The following ANKRD30A variants were observed in gnomAD, a reference collection of about 807,000 sequenced individuals.
ANKRD30A encodes the protein ankyrin repeat domain-containing protein 30A.
A neutral mutation model predicts 166.3 loss-of-function variants in ANKRD30A; 170 were observed. That is an observed-to-expected ratio of 1.02 (90% CI 0.90 to 1.16). The LOEUF is 1.16. ANKRD30A is among the 50% of genes most tolerant of loss of function. The pLI, the probability that ANKRD30A is intolerant of heterozygous loss-of-function variation, is 0.00. For synonymous variants in ANKRD30A, 564 were observed against 508.9 expected, an observed-to-expected ratio of 1.11 and a Z score of -1.46; for missense variants, 1,630 against 1,518.0, an observed-to-expected ratio of 1.07 and a Z score of -1.23.
intron 31 of ANKRD30A, among the ~76,000 whole-genome samples, chr10:37,204,404 T>C (rs1486703727): frequency 6.6e-6 from 1 of 152,188 alleles, no homozygotes; most frequent in Non-Finnish European, 1.5e-5. Context: ...CTGGGAAAAC[T>C]GGCTAGCCAT....
At chr10:37,159,247 T>G (rs1838638438) in intron 15 of ANKRD30A, among the ~76,000 whole-genome samples, 1 of 152,204 alleles carries the variant, frequency 6.6e-6, no homozygotes, top group Non-Finnish European at 1.5e-5. Context: ...CTGTGCATGG[T>G]GACACGTGCC....
At chr10:37,148,489 TAGC>T (rs1837676900) in intron 9 of ANKRD30A, among the ~76,000 whole-genome samples, 1 of 152,044 alleles carries the variant, frequency 6.6e-6, no homozygotes, top group Non-Finnish European at 1.5e-5. Context: ...AAAATTTTTT[TAGC>T]AGAGGCATTC....
At chr10:37,172,535 T>C (rs1415793898) in intron 21 of ANKRD30A, among the ~76,000 whole-genome samples, 1 of 146,022 alleles carries the variant, frequency 6.8e-6, no homozygotes, top group Non-Finnish European at 1.5e-5. Flanking sequence ...GAGGTTTTTT[T>C]TTAATTTCTT....
intron 31 of ANKRD30A, among the ~76,000 whole-genome samples, chr10:37,206,329 GGAA>G (rs1841993229): frequency 6.6e-6 from 1 of 152,114 alleles, no homozygotes; most frequent in Non-Finnish European, 1.5e-5. Flanking sequence ...GGAGAGTATT[GGAA>G]GAAGGAGGTA....
downstream of ANKRD30A, among the ~76,000 whole-genome samples, chr10:37,234,487 A>G (rs546892587): frequency 6.6e-6 from 1 of 152,244 alleles, no homozygotes; most frequent in Admixed American, 6.5e-5. Flanking sequence ...GTTATATAGT[A>G]CCTGTGTGTC....
At chr10:37,143,033 A>G (rs1837261338) in intron 7 of ANKRD30A, among the ~76,000 whole-genome samples, 2 of 152,222 alleles carry the variant, frequency 1.3e-5, no homozygotes, top group Non-Finnish European at 1.5e-5. Flanking sequence ...TTCCTGTAAC[A>G]TTTTATTGGC....
rs546918929 is a variant in ANKRD30A, at chr10:37,146,926, C to T, written c.1456-444C>T. ...AAAGTTATGCAAACTTCTCGGCCTT[C>T]CAAGAAGATTTGTGTCTATTTATAT... On this transcript the variant is annotated intron_variant, in intron 8 of 35. Transcript: ENST00000361713. Among the ~76,000 whole-genome samples the T allele has an allele frequency of 3.3e-5, 5 of 152,270 alleles. No homozygotes were observed. In the South Asian group the frequency reaches 1.0e-3, roughly 32 times the overall value.
intron 27 of ANKRD30A, among the ~76,000 whole-genome samples, chr10:37,195,651 T>C (rs1216477992): frequency 2.0e-5 from 3 of 152,134 alleles, no homozygotes; most frequent in Non-Finnish European, 4.4e-5. Flanking sequence ...TGCCAGCACG[T>C]TGGGAGGCCG....
chr10:37,244,712 C>T, the ANKRD30A span, among the ~76,000 whole-genome samples: 1 of 152,322 alleles, frequency 6.6e-6, no homozygotes, highest in East Asian at 1.9e-4. Flanking sequence ...TTTTCCTGCT[C>T]AGGTGCTGAA....
At chr10:37,195,623 G>A (rs958912187) in intron 27 of ANKRD30A, among the ~76,000 whole-genome samples, 6 of 152,110 alleles carry the variant, frequency 3.9e-5, no homozygotes, top group African/African-American at 4.8e-5. Context: ...GACCGGGTGC[G>A]GTGGCTCACG....
intron 11 of ANKRD30A, among the ~76,000 whole-genome samples, chr10:37,151,211 A>C (rs1425596065): frequency 2.0e-5 from 3 of 152,142 alleles, no homozygotes; most frequent in Admixed American, 6.6e-5. Context: ...AATAGTTGTA[A>C]TTTGTACTTT....
At chr10:37,210,353 C>G (rs1842225132) in intron 31 of ANKRD30A, among the ~76,000 whole-genome samples, 1 of 152,092 alleles carries the variant, frequency 6.6e-6, no homozygotes. Context: ...TTTTCTTTAT[C>G]CAATGTCTAT....
intron 17 of ANKRD30A, among the ~76,000 whole-genome samples, chr10:37,164,599 G>T (rs1342699760): frequency 6.6e-6 from 1 of 152,024 alleles, no homozygotes; most frequent in Non-Finnish European, 1.5e-5. Flanking sequence ...AATGTAAAAG[G>T]GTTGGAAATA....
At chr10:37,253,005 T>C in the ANKRD30A span, among the ~76,000 whole-genome samples, 1 of 152,226 alleles carries the variant, frequency 6.6e-6, no homozygotes, top group Non-Finnish European at 1.5e-5. Context: ...AGAAGGAAAC[T>C]CAAAAACTTG....
At chr10:37,168,055 T>A (rs1221754662) in intron 19 of ANKRD30A, among the ~76,000 whole-genome samples, 1 of 36,696 alleles carries the variant, frequency 2.7e-5, no homozygotes. Flanking sequence ...CAGCATATAC[T>A]TATTGGTATT....
At chr10:37,226,600 T>G in intron 34 of ANKRD30A, among the ~76,000 whole-genome samples, 1 of 151,910 alleles carries the variant, frequency 6.6e-6, no homozygotes, top group Admixed American at 6.6e-5. Flanking sequence ...CATCAGTTGA[T>G]AGATCTTTAG....
In ANKRD30A at chr10:37,158,270, A is replaced by C. The variant is rs576184965; in HGVS notation, c.1799-122A>C. The C allele has an allele frequency of 6.7e-5, 96 of 1,423,840 alleles. No individual in the cohort carries two copies. In the East Asian group the frequency reaches 1.1e-3, roughly 16 times the overall value. 88.2% of individuals were successfully genotyped at this position (1,423,840 alleles called of 1,614,324 possible). A position where few individuals can be genotyped will look rare whatever the true frequency, so the allele number is the denominator to read the frequency against. On this transcript the variant is annotated intron_variant, in intron 13 of 35. Coordinates refer to ENST00000361713, the MANE Select transcript of ANKRD30A (RefSeq NM_052997.3). ...ACAATAACCCAAAAGACCCCAAAAC[A>C]TAGTGTAATCCGTTTTGCAATCCAA...
intron 31 of ANKRD30A, among the ~76,000 whole-genome samples, chr10:37,212,861 ATCAGATGGTAATTT>A (rs1374623093): frequency 6.6e-6 from 1 of 151,720 alleles, no homozygotes; most frequent in Non-Finnish European, 1.5e-5. Flanking sequence ...TTTGTCAAAG[ATCAGATGGTAATTT>A]TCACATTTCA....
intron 33 of ANKRD30A, 44 bp from the exon 34 acceptor site, chr10:37,218,936 C>A: frequency 7.9e-7 from 1 of 1,262,322 alleles, no homozygotes; most frequent in Non-Finnish European, 1.1e-6. Context: ...CATGATATGC[C>A]ATTTTATTGA....
Sources: allele counts gnomAD v4.1 joint callset (sites outside exome capture counted in the v4.1 genomes callset), GRCh38; gene constraint gnomAD v4.1.1; transcripts MANE v1.5; gene names NCBI Gene and HGNC (gene_info 2026-07-23, HGNC 2026-07-21).